SYT1: variants seen among roughly 807,000 people sequenced by gnomAD.
The protein encoded by SYT1 is synaptotagmin-1.
A neutral mutation model predicts 44.8 loss-of-function variants in SYT1; 8 were observed. That is an observed-to-expected ratio of 0.18 (90% CI 0.10 to 0.32). SYT1 has a LOEUF of 0.32. Ranked by LOEUF, SYT1 falls within the 10% of genes least tolerant of loss-of-function variation. SYT1 has a pLI of 1.00. For missense variants in SYT1, 286 were observed against 509.3 expected (o/e 0.56, Z 4.22); for synonymous variants, 154 against 188.8 (o/e 0.82, Z 1.51).
intron 1 of SYT1, among the ~76,000 whole-genome samples, chr12:78,921,978 A>G (rs1002077662): frequency 7.6e-6 from 1 of 131,088 alleles, no homozygotes; most frequent in African/African-American, 2.7e-5. Flanking sequence ...GCTTAAATCA[A>G]ATACCTTTAA....
chr12:79,049,560 A>G (rs1424093454), intron 3 of SYT1, among the ~76,000 whole-genome samples: 1 of 152,050 alleles, frequency 6.6e-6, no homozygotes, highest in Admixed American at 6.6e-5. Context: ...GACTTAAATG[A>G]CATTGTCAAA....
intron 1 of SYT1, among the ~76,000 whole-genome samples, chr12:78,944,474 G>A (rs1007766171): frequency 1.3e-5 from 2 of 151,728 alleles, no homozygotes; most frequent in African/African-American, 2.4e-5. Flanking sequence ...ATTTGTAAGT[G>A]GACTTCATTT....
At chr12:79,115,360 A>C (rs1879220742) in intron 3 of SYT1, among the ~76,000 whole-genome samples, 1 of 152,360 alleles carries the variant, frequency 6.6e-6, no homozygotes, top group South Asian at 2.1e-4. Flanking sequence ...TTTTTCCTAT[A>C]TGATACATTT....
At chr12:79,427,724 C>T (rs1260589186) in intron 9 of SYT1, among the ~76,000 whole-genome samples, 2 of 151,926 alleles carry the variant, frequency 1.3e-5, no homozygotes, top group African/African-American at 4.8e-5. Context: ...AGGAGGCATC[C>T]CAGGCATGAG....
At chr12:79,327,381 T>C (rs1881652814) in intron 8 of SYT1, among the ~76,000 whole-genome samples, 1 of 152,302 alleles carries the variant, frequency 6.6e-6, no homozygotes, top group African/African-American at 2.4e-5. Context: ...CCCTGAAAGC[T>C]ATAGGACTGT....
At chr12:79,103,407 T>G (rs1175094108) in intron 3 of SYT1, among the ~76,000 whole-genome samples, 1 of 151,880 alleles carries the variant, frequency 6.6e-6, no homozygotes, top group Non-Finnish European at 1.5e-5. Context: ...CTAAAAGATA[T>G]TTTTTTCATT....
Position 79,002,342 on chromosome 12 carries a change from A to G in SYT1, c.-84+24411A>G, listed in dbSNP as rs1418838080. ...TTGCTGCTCCTTTATTATAATTTTCATTTATGAACAACTTACTTGCTCTTA... is the reference window on the plus strand; with the variant it reads ...TTGCTGCTCCTTTATTATAATTTTCGTTTATGAACAACTTACTTGCTCTTA... On this transcript the variant is annotated intron_variant, in intron 2 of 10. Transcript: ENST00000261205. Among the ~76,000 whole-genome samples the G allele has an allele frequency of 3.3e-5, 5 of 152,252 alleles. No homozygotes were observed. The South Asian group carries it at 6.2e-4, about 19-fold the overall frequency.
intron 2 of SYT1, among the ~76,000 whole-genome samples, chr12:78,982,669 G>A (rs1044712322): frequency 2.6e-5 from 4 of 152,214 alleles, no homozygotes; most frequent in Non-Finnish European, 4.4e-5. Flanking sequence ...GTATGGTCTC[G>A]CAGCCTTGTG....
intron 2 of SYT1, among the ~76,000 whole-genome samples, chr12:79,002,322 G>C (rs1254043821): frequency 1.3e-5 from 2 of 151,996 alleles, no homozygotes; most frequent in Admixed American, 1.3e-4. Context: ...TATGCTTGCT[G>C]CTCCTTTATT....
intron 4 of SYT1, among the ~76,000 whole-genome samples, chr12:79,272,984 T>C (rs1878511793): frequency 6.6e-6 from 1 of 152,222 alleles, no homozygotes; most frequent in South Asian, 2.1e-4. Flanking sequence ...TTGAGACTGG[T>C]TGCAGAATGA....
intron 4 of SYT1, among the ~76,000 whole-genome samples, chr12:79,260,066 T>C (rs1877746073): frequency 6.6e-6 from 1 of 152,242 alleles, no homozygotes; most frequent in African/African-American, 2.4e-5. Context: ...TTCCCTTGAT[T>C]TCTCTGAAAC....
intron 3 of SYT1, among the ~76,000 whole-genome samples, chr12:79,097,921 T>C (rs1054659322): frequency 8.6e-5 from 13 of 152,014 alleles, no homozygotes; most frequent in Admixed American, 5.3e-4. Context: ...TGTGTGCATG[T>C]GAGCATGCAT....
chr12:79,151,843 C>G (rs1000653905), intron 3 of SYT1, among the ~76,000 whole-genome samples: 2 of 151,794 alleles, frequency 1.3e-5, no homozygotes, highest in Non-Finnish European at 1.5e-5. Flanking sequence ...GATGTGCTGA[C>G]GAGAGAAGGG....
chr12:78,938,666 T>G (rs1878194500), intron 1 of SYT1, among the ~76,000 whole-genome samples: 1 of 152,192 alleles, frequency 6.6e-6, no homozygotes, highest in South Asian at 2.1e-4. Context: ...TATAAAGTCC[T>G]GTGACTCATC....
At chr12:79,392,526 A>G (rs1192478874) in intron 9 of SYT1, 1 of 152,334 alleles carries the variant, frequency 6.6e-6, no homozygotes, top group Non-Finnish European at 1.5e-5. Flanking sequence ...CATATGGTAT[A>G]TGATTTACTT....
At chr12:78,972,150 C>T (rs907930444) in intron 1 of SYT1, among the ~76,000 whole-genome samples, 1 of 151,970 alleles carries the variant, frequency 6.6e-6, no homozygotes, top group South Asian at 2.1e-4. Flanking sequence ...TCTATTTTCT[C>T]CCCCATTTGC....
chr12:78,904,455 G>A (rs1170410795), intron 1 of SYT1, among the ~76,000 whole-genome samples: 1 of 152,116 alleles, frequency 6.6e-6, no homozygotes, highest in Admixed American at 6.6e-5. Flanking sequence ...GAACATGGAT[G>A]TATAAAACAT....
chr12:79,296,159 G>A lies in SYT1; in HGVS notation c.565G>A (p.Asp189Asn). Residue 189 changes from aspartate to asparagine, a missense_variant, in exon 7 of 11, where the codon GAT becomes AAT. Transcript: ENST00000261205. The part of the protein sequence containing the change: ...DPYVKVFLLP[D>N]KKKKFETKVH... ...TTACGTGAAAGTGTTTCTGCTACCT[G>A]ATAAGAAGAAGAAATTTGAGACAAA... 6.2e-7 allele frequency: 1 copy of A among 1,614,062 alleles called. No individual in the cohort carries two copies. The highest frequency in any genetic ancestry group is 1.1e-5 in the South Asian group (1 of 91,074).
intron 3 of SYT1, among the ~76,000 whole-genome samples, chr12:79,200,256 T>C (rs1476890761): frequency 6.6e-6 from 1 of 152,126 alleles, no homozygotes; most frequent in African/African-American, 2.4e-5. Context: ...CAGAAGTGCT[T>C]GGAAGAAATG....
Sources: allele counts gnomAD v4.1 joint callset (sites outside exome capture counted in the v4.1 genomes callset), GRCh38; gene constraint gnomAD v4.1.1; transcripts MANE v1.5; gene names NCBI Gene and HGNC (gene_info 2026-07-23, HGNC 2026-07-21).